MAST2: variants seen among roughly 807,000 people sequenced by gnomAD.
The protein encoded by MAST2 is microtubule-associated serine/threonine-protein kinase 2.
A neutral mutation model predicts 147.4 loss-of-function variants in MAST2; 70 were observed. That is an observed-to-expected ratio of 0.47 (90% CI 0.39 to 0.58). The LOEUF is 0.58. Among genes scored for constraint, MAST2 ranks in the 20% least tolerant of loss-of-function variants. The probability of loss-of-function intolerance (pLI) is 0.00; values close to 1 mark genes in which losing one functional copy is unlikely to be tolerated. For synonymous variants in MAST2, 869 were observed against 896.8 expected, an observed-to-expected ratio of 0.97 and a Z score of 0.55; for missense variants, 2,080 against 2,302.3, an observed-to-expected ratio of 0.90 and a Z score of 1.98.
chr1:45,898,423 G>A (rs1048688449), intron 4 of MAST2, among the ~76,000 whole-genome samples: 8 of 152,134 alleles, frequency 5.3e-5, no homozygotes, highest in African/African-American at 1.9e-4. Flanking sequence ...TCTGTCCATT[G>A]TTGGACATTA....
intron 4 of MAST2, chr1:45,917,336 C>T: frequency 7.3e-7 from 1 of 1,363,438 alleles, no homozygotes; most frequent in Non-Finnish European, 9.8e-7. Flanking sequence ...GGTACCTTGT[C>T]AGAATCTCTA....
At position 46,023,788 on chromosome 1, in the gene MAST2, C is replaced by T. The variant is rs752868391; in HGVS notation, c.1588C>T (p.Arg530Trp). The change falls in exon 15 of 29, where the codon CGG (arginine) becomes TGG (tryptophan). Residue 530 changes from arginine to tryptophan, a missense_variant. Arg to Trp is a moderately radical substitution (Grantham distance 101). Around this residue, in one of 4 missense-constraint regions of MAST2, gnomAD observed 569 missense variants for 642.5 expected, o/e 0.89. Transcript: ENST00000361297. The surrounding 1 kb of genome is among the most constrained non-coding windows in gnomAD (Gnocchi z 4.9). ...GTTTCCCAGGGCTGTATTTCTGGTGCGGCACAAGTCCACCCGGCAGCGCTT... is the reference window on the plus strand; with the variant it reads ...GTTTCCCAGGGCTGTATTTCTGGTGTGGCACAAGTCCACCCGGCAGCGCTT... Reference protein sequence around the residue: ...NGAYGAVFLVRHKSTRQRFAM... With the variant: ...NGAYGAVFLVWHKSTRQRFAM... The T allele has an allele frequency of 2.9e-5, 46 of 1,613,724 alleles. No individual in the cohort carries two copies. The highest frequency in any genetic ancestry group is 6.7e-5 in the East Asian group (3 of 44,876).
At chr1:45,887,766 T>C (rs1187930674) in intron 4 of MAST2, among the ~76,000 whole-genome samples, 1 of 152,226 alleles carries the variant, frequency 6.6e-6, no homozygotes, top group East Asian at 1.9e-4. Context: ...AGGTTTTCTG[T>C]GGGGCTTTGA....
chr1:45,954,447 G>T (rs553430330), intron 4 of MAST2, among the ~76,000 whole-genome samples: 3 of 152,188 alleles, frequency 2.0e-5, no homozygotes, highest in African/African-American at 4.8e-5. Context: ...AGGTATGTAA[G>T]AAATTGAAAT....
At chr1:45,983,851 G>T (rs1001028570) in intron 5 of MAST2, among the ~76,000 whole-genome samples, 1 of 152,166 alleles carries the variant, frequency 6.6e-6, no homozygotes, top group Non-Finnish European at 1.5e-5. Flanking sequence ...GGAGATTTGG[G>T]ATAAGGGGCA....
chr1:45,853,382 A>G (rs568591967), intron 3 of MAST2, among the ~76,000 whole-genome samples: 1 of 151,666 alleles, frequency 6.6e-6, no homozygotes, highest in East Asian at 1.9e-4. Flanking sequence ...TTTTTGAGTC[A>G]GAGTCTCTGT....
chr1:46,001,999 A>G (rs191474567), intron 6 of MAST2, among the ~76,000 whole-genome samples: 25 of 152,296 alleles, frequency 1.6e-4, no homozygotes, highest in Middle Eastern at 6.8e-3. Context: ...AAAAGAATAC[A>G]CCACATCCCA....
intron 26 of MAST2, among the ~76,000 whole-genome samples, chr1:46,032,986 A>G (rs1646742048): frequency 6.6e-6 from 1 of 151,948 alleles, no homozygotes; most frequent in Admixed American, 6.6e-5. Context: ...CAAAAAAAAA[A>G]AAAAAAAAAT....
At chr1:45,839,488 G>T (rs1164023141) in intron 3 of MAST2, among the ~76,000 whole-genome samples, 1 of 152,088 alleles carries the variant, frequency 6.6e-6, no homozygotes, top group East Asian at 1.9e-4. Context: ...GCCCAGGCTG[G>T]TCTTGGACTC....
intron 4 of MAST2, among the ~76,000 whole-genome samples, chr1:45,923,761 GATGT>G (rs1201616061): frequency 6.6e-6 from 1 of 152,204 alleles, no homozygotes; most frequent in Non-Finnish European, 1.5e-5. Context: ...TTCCCAAGGT[GATGT>G]ATTAATAACA....
At chr1:45,917,489 C>T (rs775410950) in intron 4 of MAST2, 1 of 1,366,594 alleles carries the variant, frequency 7.3e-7, no homozygotes, top group Non-Finnish European at 9.8e-7. Flanking sequence ...CACGAGCCCA[C>T]AGCAGTCCTG....
At chr1:46,032,114 A>T in intron 24 of MAST2, 64 bp from the exon 25 acceptor site, 1 of 1,250,390 alleles carries the variant, frequency 8.0e-7, no homozygotes, top group South Asian at 1.2e-5. Context: ...TGACATCAAC[A>T]GACTGGACCA....
intron 3 of MAST2, among the ~76,000 whole-genome samples, chr1:45,880,753 G>C (rs940425089): frequency 2.0e-5 from 3 of 152,088 alleles, no homozygotes; most frequent in African/African-American, 7.2e-5. Flanking sequence ...GACCAAGGTG[G>C]GAGGATCACT....
chr1:46,020,374 A>C (rs1420667951), intron 11 of MAST2, among the ~76,000 whole-genome samples: 1 of 152,062 alleles, frequency 6.6e-6, no homozygotes, highest in Non-Finnish European at 1.5e-5. Flanking sequence ...GGTTTGAAGA[A>C]GTGCTGAGGG....
At chr1:45,847,042 G>T in intron 3 of MAST2, 3 of 390,444 alleles carry the variant, frequency 7.7e-6, no homozygotes, top group South Asian at 6.5e-5. Flanking sequence ...TCATCGTTTA[G>T]TTCCAATTCC....
chr1:45,806,906 C>T (rs1226332348), intron 1 of MAST2, among the ~76,000 whole-genome samples: 2 of 152,098 alleles, frequency 1.3e-5, no homozygotes, highest in Non-Finnish European at 2.9e-5. Context: ...TGGTATCTTA[C>T]CATGTTGCTC....
chr1:45,980,267 T>C (rs1644347942), intron 5 of MAST2, among the ~76,000 whole-genome samples: 1 of 98,718 alleles, frequency 1.0e-5, no homozygotes, highest in African/African-American at 4.5e-5. Flanking sequence ...AGAGTGAGAC[T>C]GTGTTTCCAA....
chr1:45,915,545 C>G (rs544517820), intron 4 of MAST2, among the ~76,000 whole-genome samples: 1 of 152,008 alleles, frequency 6.6e-6, no homozygotes, highest in African/African-American at 2.4e-5. Context: ...TCTGTCTCTA[C>G]TGAAAATACA....
chr1:45,811,863 T>G (rs933900635), intron 1 of MAST2, among the ~76,000 whole-genome samples: 8 of 152,072 alleles, frequency 5.3e-5, no homozygotes, highest in African/African-American at 1.9e-4. Context: ...CTTGATCTCC[T>G]GACCTCGTGA....
Sources: gnomAD v4.1 joint callset for allele counts (sites outside exome capture counted in the v4.1 genomes callset) on GRCh38, gnomAD v4.1.1 for gene constraint, gnomAD v4.1.1 regional missense constraint, Gnocchi (gnomAD v3.1) non-coding constraint, MANE v1.5 for transcripts, NCBI Gene and HGNC (gene_info 2026-07-23, HGNC 2026-07-21) for gene names.